Variants in LPIN1 observed in about 807,000 individuals in gnomAD.
The protein encoded by LPIN1 is lipin 1.
In LPIN1, 71 loss-of-function variants were observed where a neutral mutation model predicts 107.5. That is an observed-to-expected ratio of 0.66 (90% CI 0.55 to 0.80). The LOEUF (loss-of-function observed/expected upper bound fraction) is 0.80, where lower values mean the gene tolerates loss of function less well. Ranked by LOEUF, LPIN1 falls within the 30% of genes least tolerant of loss-of-function variation. LPIN1 has a pLI of 0.00. For synonymous variants in LPIN1, 445 were observed against 452.6 expected, an observed-to-expected ratio of 0.98 and a Z score of 0.21; for missense variants, 1,043 against 1,160.6, an observed-to-expected ratio of 0.90 and a Z score of 1.47.
upstream of LPIN1, chr2:11,745,913 A>C (rs1363868869): frequency 3.3e-5 from 5 of 152,228 alleles, no homozygotes; most frequent in South Asian, 2.1e-4. Context: ...TTAGAGTTTC[A>C]GTTCAAATAT....
intron 1 of LPIN1, among the ~76,000 whole-genome samples, chr2:11,762,218 G>A (rs1669948108): frequency 6.6e-6 from 1 of 152,138 alleles, no homozygotes; most frequent in South Asian, 2.1e-4. Context: ...ATGGAAGGGT[G>A]CACAGGGCAA....
rs1674687849 is a variant in LPIN1 at position 11,786,919 on chromosome 2, G to A, written c.1550-155G>A. The stretch of plus-strand genomic sequence containing the variant: ...GACGCCGCCTTCCAGGTAAAATGGT[G>A]CGGCCTTTACAAATACATTTTATAG... On this transcript the variant is annotated intron_variant, in intron 10 of 20. Coordinates refer to ENST00000674199, the MANE Select transcript of LPIN1 (RefSeq NM_001349206.2). The surrounding 1 kb of genome is among the most constrained non-coding windows in gnomAD (Gnocchi z 4.1). 5 of 676,930 alleles carry A rather than the reference G, an allele frequency of 7.4e-6. No individual in the cohort carries two copies. The East Asian group carries it at 1.1e-4, about 15-fold the overall frequency. The allele number at this position is 676,930 out of a possible 1,614,324, so 41.9% of individuals were successfully genotyped here.
At chr2:11,756,637 TC>T (rs2148592597) in intron 1 of LPIN1, among the ~76,000 whole-genome samples, 1 of 152,326 alleles carries the variant, frequency 6.6e-6, no homozygotes, top group South Asian at 2.1e-4. Context: ...CCTCAGGTGA[TC>T]CGCCCTCCTT....
chr2:11,726,860 C>T (rs1385794639), intron 1 of LPIN1, among the ~76,000 whole-genome samples: 1 of 152,172 alleles, frequency 6.6e-6, no homozygotes, highest in East Asian at 1.9e-4. Context: ...GATCTTGACA[C>T]TTTTGAAGCG....
rs1351762175 is a variant in LPIN1 at position 11,825,469 on chromosome 2, C to G, written c.*678C>G. ...AGTCTATTTCATTGGCATATCTCCC[C>G]CCAGTTTTTGTGGCTCAAGGCTGGA... is the stretch of plus-strand genomic sequence containing the variant. On this transcript the variant is annotated 3_prime_UTR_variant, in exon 21 of 21. Coordinates refer to ENST00000674199, the MANE Select transcript of LPIN1 (RefSeq NM_001349206.2). The surrounding 1 kb of genome is among the most constrained non-coding windows in gnomAD (Gnocchi z 4.1). The G allele has an allele frequency of 2.6e-5, 4 of 152,864 alleles. No homozygotes were observed. Among genetic ancestry groups the G allele is most frequent in the African/African-American group, 9.7e-5 (4 of 41,426 alleles). The allele number at this position is 152,864 out of a possible 1,614,324, so 9.5% of individuals were successfully genotyped here. A position where few individuals can be genotyped will look rare whatever the true frequency, so the allele number is the denominator to read the frequency against.
At chr2:11,690,820 A>G (rs1314443102) in intron 1 of LPIN1, among the ~76,000 whole-genome samples, 10 of 150,680 alleles carry the variant, frequency 6.6e-5, no homozygotes. Context: ...CCTTTATTTC[A>G]TTGTTTAATT....
intron 1 of LPIN1, among the ~76,000 whole-genome samples, chr2:11,758,355 G>T (rs1668996070): frequency 6.6e-6 from 1 of 152,164 alleles, no homozygotes; most frequent in East Asian, 1.9e-4. Flanking sequence ...ATTTTCTGAA[G>T]TGGCTCCACA....
At position 11,685,754 on chromosome 2, in the gene LPIN1, G is replaced by A. The variant is rs531529421; in HGVS notation, c.81+8026G>A. Reference sequence around the variant, plus strand: ...CCTGATTTCCCATCGAGGAATGTGTGTAAACTCAGGTACCATTTTGAACTT... The same window carrying A: ...CCTGATTTCCCATCGAGGAATGTGTATAAACTCAGGTACCATTTTGAACTT... On this transcript the variant is annotated intron_variant, in intron 1 of 21. Transcript: ENST00000449576. Among the ~76,000 whole-genome samples, 3 of 152,310 alleles carry A rather than the reference G, an allele frequency of 2.0e-5. No homozygotes were observed. The South Asian group carries it at 6.2e-4, about 32-fold the overall frequency.
Position 11,781,216 on chromosome 2 carries a change from G to A in LPIN1, c.958-985G>A, listed in dbSNP as rs548172979. Among the ~76,000 whole-genome samples the A allele has an allele frequency of 3.8e-4, 58 of 152,314 alleles. 1 individual carries two copies. The South Asian group carries it at 7.5e-3, about 20-fold the overall frequency. ...AGAGTAGTCTGTTGAGGCCAAAGTT[G>A]TGGATCCATTTCCTCTCTAGGTTAT... On this transcript the variant is annotated intron_variant, in intron 7 of 20. Coordinates refer to ENST00000674199, the MANE Select transcript of LPIN1 (RefSeq NM_001349206.2).
intron 2 of LPIN1, among the ~76,000 whole-genome samples, chr2:11,716,847 C>G (rs1168361009): frequency 1.3e-5 from 2 of 152,220 alleles, no homozygotes; most frequent in East Asian, 3.8e-4. Context: ...ACCTGGAATG[C>G]TGGGACAAAT....
chr2:11,803,481 G>A lies in LPIN1; in HGVS notation c.2013+448G>A, dbSNP rs375797886. Among the ~76,000 whole-genome samples, 25 of 152,280 alleles carry A rather than the reference G, an allele frequency of 1.6e-4. No homozygotes were observed. In the South Asian group the frequency reaches 1.7e-3, roughly 10 times the overall value. On this transcript the variant is annotated intron_variant, in intron 15 of 20. Coordinates refer to ENST00000674199, the MANE Select transcript of LPIN1 (RefSeq NM_001349206.2). This position sits in a 1 kb window ranked among gnomAD's most constrained non-coding sequence, Gnocchi z 4.2. ...GTAACCAGGGGCATCACCTGGTCAT[G>A]GTGTCCTTTTATTTTTCTGTGTGTG...
intron 1 of LPIN1, among the ~76,000 whole-genome samples, chr2:11,749,124 G>C (rs957612950): frequency 3.9e-5 from 6 of 152,210 alleles, no homozygotes; most frequent in African/African-American, 1.4e-4. Context: ...AACTGGAACG[G>C]GGTGTGTGGG....
At chr2:11,747,782 T>C (rs773937225) in intron 1 of LPIN1, among the ~76,000 whole-genome samples, 25 of 152,380 alleles carry the variant, frequency 1.6e-4, no homozygotes, top group Non-Finnish European at 3.4e-4. Context: ...CAGTTGGATT[T>C]ATGATTATAT....
chr2:11,765,385 G>A lies in LPIN1; in HGVS notation c.-9-148G>A. The A allele has an allele frequency of 2.8e-6, 2 of 718,376 alleles. No homozygotes were observed. Among genetic ancestry groups the A allele is most frequent in the East Asian group, 2.7e-5 (1 of 37,026 alleles). 44.5% of individuals were successfully genotyped at this position (718,376 alleles called of 1,614,324 possible). A position where few individuals can be genotyped will look rare whatever the true frequency, so the allele number is the denominator to read the frequency against. ...CCCTGATGGACCCTGATGGGCTATG[G>A]GGGTGGATAGAACACATTCCGGAAA... is the stretch of plus-strand genomic sequence containing the variant. On this transcript the variant is annotated intron_variant, in intron 1 of 20. Coordinates refer to ENST00000674199, the MANE Select transcript of LPIN1 (RefSeq NM_001349206.2). The surrounding 1 kb of genome is among the most constrained non-coding windows in gnomAD (Gnocchi z 4.4).
intron 17 of LPIN1, among the ~76,000 whole-genome samples, chr2:11,807,945 T>G (rs1160202495): frequency 6.6e-6 from 1 of 152,188 alleles, no homozygotes; most frequent in African/African-American, 2.4e-5. Context: ...CTGCTGTTTC[T>G]CAGCCCTTCC....
At chr2:11,702,968 C>T (rs536307848) in intron 1 of LPIN1, among the ~76,000 whole-genome samples, 5 of 152,084 alleles carry the variant, frequency 3.3e-5, no homozygotes, top group South Asian at 4.1e-4. Context: ...TGTGGATGAC[C>T]GCCTCCCAGG....
intron 15 of LPIN1, 107 bp from the exon 16 acceptor site, chr2:11,804,316 A>T: frequency 8.3e-7 from 1 of 1,204,520 alleles, no homozygotes; most frequent in Non-Finnish European, 1.2e-6. Context: ...CAGGGCAGTC[A>T]CTTGTTTTTA....
intron 1 of LPIN1, among the ~76,000 whole-genome samples, chr2:11,740,013 G>C (rs558387105): frequency 2.0e-5 from 3 of 152,316 alleles, no homozygotes; most frequent in African/African-American, 7.2e-5. Flanking sequence ...ATGATTTGCT[G>C]TCTACAAGCT....
At chr2:11,775,335 T>C (rs1447546908) in intron 5 of LPIN1, among the ~76,000 whole-genome samples, 1 of 152,184 alleles carries the variant, frequency 6.6e-6, no homozygotes, top group Non-Finnish European at 1.5e-5. Flanking sequence ...AACCCAATAA[T>C]AGATGAAAAA....
Sources: allele counts gnomAD v4.1 joint callset (sites outside exome capture counted in the v4.1 genomes callset), GRCh38; gene constraint gnomAD v4.1.1; non-coding constraint Gnocchi (gnomAD v3.1); transcripts MANE v1.5; gene names NCBI Gene and HGNC (gene_info 2026-07-23, HGNC 2026-07-21).